The following PPP1R9A variants were observed in gnomAD, a reference collection of about 807,000 sequenced individuals.
PPP1R9A encodes protein phosphatase 1 regulatory subunit 9A.
Under a neutral mutation model 141.9 loss-of-function variants are expected in PPP1R9A, and 59 were observed. The ratio of observed to expected loss-of-function variants is 0.42; its 90% CI spans 0.34 to 0.52. PPP1R9A has a LOEUF of 0.52. Ranked by LOEUF, PPP1R9A falls within the 20% of genes least tolerant of loss-of-function variation. The probability of loss-of-function intolerance (pLI) is 0.10; values close to 1 mark genes in which losing one functional copy is unlikely to be tolerated. For synonymous variants in PPP1R9A, 500 were observed against 569.7 expected (o/e 0.88, Z 1.74); for missense variants, 1,444 against 1,611.9 (o/e 0.90, Z 1.78).
intron 16 of PPP1R9A, among the ~76,000 whole-genome samples, chr7:95,277,606 T>C (rs1401596518): frequency 6.6e-6 from 1 of 151,892 alleles, no homozygotes; most frequent in East Asian, 1.9e-4. Context: ...AAAAAAAAAA[T>C]TGTAGAGGTG....
chr7:95,289,889 T>C (rs537587672), intron 19 of PPP1R9A, among the ~76,000 whole-genome samples: 1 of 152,306 alleles, frequency 6.6e-6, no homozygotes, highest in East Asian at 1.9e-4. Context: ...AGGGTATACT[T>C]TGCAAGGGAC....
intron 2 of PPP1R9A, among the ~76,000 whole-genome samples, chr7:95,027,712 C>G (rs1807082460): frequency 6.6e-6 from 1 of 152,160 alleles, no homozygotes; most frequent in South Asian, 2.1e-4. Flanking sequence ...TAGTCTATTG[C>G]TCTTAGCAAC....
intron 8 of PPP1R9A, among the ~76,000 whole-genome samples, chr7:95,235,969 A>C (rs11766452): frequency 0.64 from 97,850 of 151,962 alleles, 32,422 homozygotes; most frequent in African/African-American, 0.8. Context: ...ATGAGTGATA[A>C]GTTGGACTTT....
intron 2 of PPP1R9A, among the ~76,000 whole-genome samples, chr7:95,034,815 G>GA (rs1283888507): frequency 6.6e-6 from 1 of 152,066 alleles, no homozygotes; most frequent in Non-Finnish European, 1.5e-5. Flanking sequence ...TTAATAGCAA[G>GA]AAAAAATGCT....
chr7:95,216,753 A>T (rs1271832235), intron 7 of PPP1R9A, among the ~76,000 whole-genome samples: 1 of 152,058 alleles, frequency 6.6e-6, no homozygotes, highest in East Asian at 1.9e-4. Context: ...TTCACTCATG[A>T]TTTGGCTCTC....
intron 2 of PPP1R9A, among the ~76,000 whole-genome samples, chr7:94,940,338 C>CCTTTTT (rs1446506275): frequency 6.6e-6 from 1 of 151,648 alleles, no homozygotes; most frequent in Non-Finnish European, 1.5e-5. Context: ...TGTAGGGTGT[C>CCTTTTT]CTTTTTCTTT....
rs147139023 is a variant in PPP1R9A at position 94,946,055 on chromosome 7, T to A, written c.1395+34547T>A. 1.6e-4 allele frequency among the ~76,000 whole-genome samples: 24 copies of A among 152,216 alleles called. No homozygotes were observed. In the East Asian group the frequency reaches 4.4e-3, roughly 28 times the overall value. Reference sequence around the variant, plus strand: ...AAAATTTATTGTGATTAAAGATAAGTTTAAGTACTTAGATAAAACACTATG... The same window carrying A: ...AAAATTTATTGTGATTAAAGATAAGATTAAGTACTTAGATAAAACACTATG... On this transcript the variant is annotated intron_variant, in intron 2 of 19. Transcript: ENST00000433360.
intron 2 of PPP1R9A, among the ~76,000 whole-genome samples, chr7:95,052,067 T>C (rs1196513766): frequency 6.6e-6 from 1 of 152,098 alleles, no homozygotes; most frequent in East Asian, 1.9e-4. Flanking sequence ...CTTAAACTCC[T>C]GACCTCAAGT....
chr7:95,130,185 C>G (rs377247555), intron 4 of PPP1R9A, among the ~76,000 whole-genome samples: 1 of 152,210 alleles, frequency 6.6e-6, no homozygotes, highest in East Asian at 1.9e-4. Flanking sequence ...ATGGGCTGGT[C>G]CTAGGGTCCC....
chr7:95,138,896 G>T (rs1826143521), intron 4 of PPP1R9A, among the ~76,000 whole-genome samples: 1 of 152,212 alleles, frequency 6.6e-6, no homozygotes. Context: ...CTTATGGCTA[G>T]TGGGAATGCA....
At chr7:94,990,487 T>C (rs1801373215) in intron 2 of PPP1R9A, among the ~76,000 whole-genome samples, 1 of 152,108 alleles carries the variant, frequency 6.6e-6, no homozygotes, top group African/African-American at 2.4e-5. Context: ...ATTGAGTACA[T>C]AATGATGTTG....
intron 4 of PPP1R9A, among the ~76,000 whole-genome samples, chr7:95,146,872 C>G (rs1827723128): frequency 6.6e-6 from 1 of 152,050 alleles, no homozygotes; most frequent in South Asian, 2.1e-4. Flanking sequence ...GTTTTGGTAC[C>G]AGTATCTTGC....
chr7:95,201,922 T>G (rs955866259), intron 6 of PPP1R9A, among the ~76,000 whole-genome samples: 1 of 152,162 alleles, frequency 6.6e-6, no homozygotes, highest in African/African-American at 2.4e-5. Context: ...CAGCTCTTAG[T>G]CAGCATTTTC....
intron 5 of PPP1R9A, among the ~76,000 whole-genome samples, chr7:95,166,008 G>A (rs1455648253): frequency 1.3e-5 from 2 of 151,986 alleles, no homozygotes; most frequent in Non-Finnish European, 2.9e-5. Flanking sequence ...AATTAGCCAG[G>A]TGTGGTGGCA....
intron 16 of PPP1R9A, among the ~76,000 whole-genome samples, chr7:95,278,261 G>A (rs1335842018): frequency 6.6e-6 from 1 of 152,118 alleles, no homozygotes; most frequent in African/African-American, 2.4e-5. Context: ...GTCAGATAAG[G>A]CTAGTCTATA....
chr7:95,126,614 A>G (rs1251818944), intron 4 of PPP1R9A, among the ~76,000 whole-genome samples: 1 of 152,186 alleles, frequency 6.6e-6, no homozygotes, highest in African/African-American at 2.4e-5. Flanking sequence ...GAAAGTTTAG[A>G]TAATCCATAG....
chr7:95,122,439 G>C (rs1822810412), intron 4 of PPP1R9A, among the ~76,000 whole-genome samples: 1 of 152,118 alleles, frequency 6.6e-6, no homozygotes, highest in Non-Finnish European at 1.5e-5. Context: ...GAGCCACCTT[G>C]CCTGGCCCAT....
In PPP1R9A at chr7:95,269,305, C is replaced by T; in HGVS notation, c.2922C>T (p.Pro974=). 2.5e-6 allele frequency: 4 copies of T among 1,597,374 alleles called. No individual in the cohort carries two copies. The highest frequency in any genetic ancestry group is 3.4e-6 in the Non-Finnish European group (4 of 1,178,342). Residue 974 remains proline (P), a synonymous_variant, in exon 14 of 20, where the codon CCC becomes CCT. Transcript: ENST00000433360. ...CAGAATCAGATTCTGGTGTTCCACC[C>T]CTCACCCCGGTGGATAGCAATGTGC... ...SSPESDSGVP[P]LTPVDSNVPF...
At chr7:95,160,669 T>G (rs1165825839) in intron 4 of PPP1R9A, among the ~76,000 whole-genome samples, 1 of 152,078 alleles carries the variant, frequency 6.6e-6, no homozygotes, top group African/African-American at 2.4e-5. Context: ...AGCCCTTGCT[T>G]CCCTCTCTTC....
Sources: allele counts gnomAD v4.1 joint callset (sites outside exome capture counted in the v4.1 genomes callset), GRCh38; gene constraint gnomAD v4.1.1; transcripts MANE v1.5; gene names NCBI Gene and HGNC (gene_info 2026-07-23, HGNC 2026-07-21).